ZNF148: variants seen among roughly 807,000 people sequenced by gnomAD.
ZNF148 encodes the protein Beta-Enolase Repressor Factor-1.
ZNF148 carries 7 observed loss-of-function variants against 67.7 expected under a neutral mutation model. The observed-to-expected ratio is 0.10, with a 90% CI of 0.06 to 0.19. The LOEUF (loss-of-function observed/expected upper bound fraction) is 0.19, where lower values mean the gene tolerates loss of function less well. Ranked by LOEUF, ZNF148 falls within the 10% of genes least tolerant of loss-of-function variation. The pLI is 1.00. For missense variants in ZNF148, 583 were observed against 947.1 expected (o/e 0.62, Z 5.05); for synonymous variants, 333 against 330.7 (o/e 1.01, Z -0.08).
intron 1 of ZNF148, among the ~76,000 whole-genome samples, chr3:125,367,857 G>A (rs189432615): frequency 9.2e-5 from 14 of 152,274 alleles, no homozygotes; most frequent in African/African-American, 3.1e-4. Context: ...ATACGAAGAC[G>A]GAAAACAGAC....
At chr3:125,273,080 A>G (rs1937844314) in intron 7 of ZNF148, among the ~76,000 whole-genome samples, 2 of 152,236 alleles carry the variant, frequency 1.3e-5, no homozygotes, top group Non-Finnish European at 2.9e-5. Flanking sequence ...TTAGGGCTTG[A>G]AAAATGTGAG....
chr3:125,249,775 C>G (rs567018553), intron 7 of ZNF148, among the ~76,000 whole-genome samples: 2 of 152,178 alleles, frequency 1.3e-5, no homozygotes, highest in African/African-American at 4.8e-5. Context: ...ACAACCCAAG[C>G]GTCTGTCAAT....
At chr3:125,361,450 G>C (rs1255290958) in intron 1 of ZNF148, among the ~76,000 whole-genome samples, 1 of 151,996 alleles carries the variant, frequency 6.6e-6, no homozygotes, top group Non-Finnish European at 1.5e-5. Flanking sequence ...AGATGCTCAA[G>C]AACTTTCTAC....
intron 2 of ZNF148, among the ~76,000 whole-genome samples, chr3:125,328,215 A>C (rs1941114750): frequency 1.3e-5 from 2 of 152,212 alleles, no homozygotes; most frequent in Non-Finnish European, 2.9e-5. Context: ...ACCTGGAGCG[A>C]AAAGTGAGCC....
At position 125,226,794 on chromosome 3, in the gene ZNF148, T is replaced by A. The variant is rs1352921229; in HGVS notation, c.*5547A>T. On this transcript the variant is annotated 3_prime_UTR_variant, in exon 9 of 9. Coordinates refer to ENST00000360647, the MANE Select transcript of ZNF148 (RefSeq NM_021964.3). ...TTGGAGAGCAAAATATTTTAAAATA[T>A]ATCGACTTACCAAATTTCAATTGTC... 6.6e-6 allele frequency: 1 copy of A among 152,414 alleles called. No individual in the cohort carries two copies. Among genetic ancestry groups the A allele is most frequent in the East Asian group, 1.9e-4 (1 of 5,204 alleles). The allele number at this position is 152,414 out of a possible 1,614,324, so 9.4% of individuals were successfully genotyped here. A position where few individuals can be genotyped will look rare whatever the true frequency, so the allele number is the denominator to read the frequency against.
intron 1 of ZNF148, among the ~76,000 whole-genome samples, chr3:125,356,386 G>A (rs1942343138): frequency 6.6e-6 from 1 of 152,098 alleles, no homozygotes; most frequent in African/African-American, 2.4e-5. Flanking sequence ...ATTCACTCAG[G>A]TTAAGGTTCT....
At chr3:125,327,246 GTAACTAACATTA>G (rs1941070923) in intron 2 of ZNF148, among the ~76,000 whole-genome samples, 1 of 151,998 alleles carries the variant, frequency 6.6e-6, no homozygotes, top group African/African-American at 2.4e-5. Flanking sequence ...TAATGAAGCA[GTAACTAACATTA>G]TTGAAAGGAA....
intron 7 of ZNF148, among the ~76,000 whole-genome samples, chr3:125,249,568 G>C (rs1283853202): frequency 6.6e-6 from 1 of 152,022 alleles, no homozygotes; most frequent in Admixed American, 6.6e-5. Flanking sequence ...CACTGCTGCC[G>C]AGATTGTAAA....
chr3:125,350,373 C>T (rs1290572882), intron 1 of ZNF148, among the ~76,000 whole-genome samples: 5 of 152,120 alleles, frequency 3.3e-5, no homozygotes. Flanking sequence ...CCATGTTGGC[C>T]AGGCGGGTCT....
intron 2 of ZNF148, among the ~76,000 whole-genome samples, chr3:125,328,492 TAA>T (rs1433691423): frequency 3.3e-5 from 5 of 152,284 alleles, no homozygotes; most frequent in Admixed American, 1.3e-4. Context: ...TCAAAATATA[TAA>T]AGTGTTTATT....
rs150769815 is a variant in ZNF148, at chr3:125,325,389, C to A, written c.-152-1945G>T. ...TATGGAACAACATTCAGCTTACCAA[C>A]ATTTTGAGTACCAGGAAAGAAGAGA... On this transcript the variant is annotated intron_variant, in intron 2 of 8. Coordinates refer to ENST00000360647, the MANE Select transcript of ZNF148 (RefSeq NM_021964.3). Among the ~76,000 whole-genome samples the A allele has an allele frequency of 1.6e-3, 249 of 151,614 alleles. 2 individuals are homozygous for A. The highest frequency in any genetic ancestry group is 5.4e-3 in the African/African-American group (225 of 41,374).
At chr3:125,320,034 T>C (rs1481926547) in intron 3 of ZNF148, among the ~76,000 whole-genome samples, 1 of 152,210 alleles carries the variant, frequency 6.6e-6, no homozygotes, top group Non-Finnish European at 1.5e-5. Flanking sequence ...AGAATCCCCT[T>C]TTCTCCTGTG....
Position 125,290,663 on chromosome 3 carries a change from T to C in ZNF148, c.334-2435A>G, listed in dbSNP as rs9856122. ...CTATAACAAAAACATTTACTGAGATTGTAATATGTGCAAAGTGCCATTCTA... is the reference window on the plus strand; with the variant it reads ...CTATAACAAAAACATTTACTGAGATCGTAATATGTGCAAAGTGCCATTCTA... On this transcript the variant is annotated intron_variant, in intron 4 of 8. Transcript: ENST00000360647. Among the ~76,000 whole-genome samples, 1,063 of 152,252 alleles carry C rather than the reference T, an allele frequency of 7.0e-3. 16 individuals are homozygous for C. The highest frequency in any genetic ancestry group is 0.024 in the African/African-American group (993 of 41,548).
chr3:125,294,714 G>A (rs1939196053), intron 4 of ZNF148, among the ~76,000 whole-genome samples: 2 of 152,012 alleles, frequency 1.3e-5, no homozygotes, highest in South Asian at 4.1e-4. Context: ...AAATCCTACA[G>A]TAACACTATG....
intron 1 of ZNF148, among the ~76,000 whole-genome samples, chr3:125,348,519 G>C (rs1474519230): frequency 7.0e-6 from 1 of 142,268 alleles, no homozygotes; most frequent in Non-Finnish European, 1.5e-5. Context: ...AACAGCAACA[G>C]CATCAAAAAC....
chr3:125,253,236 ATCCTTTTAAGTTATTTTAAGTGG>A (rs888890544), intron 7 of ZNF148, among the ~76,000 whole-genome samples: 2 of 152,094 alleles, frequency 1.3e-5, no homozygotes, highest in Admixed American at 1.3e-4. Context: ...TGGCTATCTG[ATCCTTTTAAGTTATTTTAAGTGG>A]TATCATCATA....
Position 125,372,784 on chromosome 3 carries a change from C to A in ZNF148, c.-234+2318G>T, listed in dbSNP as rs540111817. Among the ~76,000 whole-genome samples the A allele has an allele frequency of 2.0e-5, 3 of 151,442 alleles. No individual in the cohort carries two copies. In the South Asian group the frequency reaches 6.3e-4, roughly 32 times the overall value. ...GAGTTCGAGACCAGCCTCACCAACA[C>A]GGAGAAACTCCATCTCTACTAAAAA... On this transcript the variant is annotated intron_variant, in intron 1 of 8. Transcript: ENST00000360647.
intron 7 of ZNF148, among the ~76,000 whole-genome samples, chr3:125,277,290 T>C (rs143720740): frequency 6.8e-4 from 103 of 152,284 alleles, no homozygotes; most frequent in African/African-American, 2.5e-3. Flanking sequence ...GACTGAGAAA[T>C]TGGCAGTTCT....
intron 4 of ZNF148, among the ~76,000 whole-genome samples, chr3:125,302,523 A>G (rs527692816): frequency 2.6e-5 from 4 of 152,334 alleles, no homozygotes; most frequent in Admixed American, 2.6e-4. Flanking sequence ...TCTACTATAA[A>G]CCAATGTTAT....
Sources: allele counts gnomAD v4.1 joint callset (sites outside exome capture counted in the v4.1 genomes callset), GRCh38; gene constraint gnomAD v4.1.1; transcripts MANE v1.5; gene names NCBI Gene and HGNC (gene_info 2026-07-23, HGNC 2026-07-21).